MALRD1: variants seen among roughly 807,000 people sequenced by gnomAD.
The protein encoded by MALRD1 is MAM and LDL receptor class A domain containing 1.
MALRD1 carries 247 observed loss-of-function variants against 242.1 expected under a neutral mutation model. The ratio of observed to expected loss-of-function variants is 1.02; its 90% confidence interval spans 0.92 to 1.13. The LOEUF is 1.13. Among genes scored for constraint, MALRD1 ranks in the 50% most tolerant of loss-of-function variants. The pLI is 0.00. For missense variants in MALRD1, 2,989 were observed against 2,533.1 expected, an observed-to-expected ratio of 1.18 and a Z score of -3.86; for synonymous variants, 995 against 866.6, an observed-to-expected ratio of 1.15 and a Z score of -2.60.
chr10:19,670,396 C>A (rs1247386035), intron 36 of MALRD1, among the ~76,000 whole-genome samples: 1 of 152,138 alleles, frequency 6.6e-6, no homozygotes, highest in Non-Finnish European at 1.5e-5. Flanking sequence ...CTCCAACACT[C>A]GGAAACCCAT....
At chr10:19,585,813 C>T (rs553673250) in intron 33 of MALRD1, among the ~76,000 whole-genome samples, 68 of 152,288 alleles carry the variant, frequency 4.5e-4, no homozygotes, top group African/African-American at 1.5e-3. Context: ...TAATATCCTG[C>T]AGAGTGTTTT....
chr10:19,646,463 G>A (rs1244873347), intron 36 of MALRD1, among the ~76,000 whole-genome samples: 2 of 152,118 alleles, frequency 1.3e-5, no homozygotes, highest in Admixed American at 1.3e-4. Flanking sequence ...AAATTAGCTG[G>A]GTGTAGTGGC....
chr10:19,400,363 G>C (rs937118777), intron 28 of MALRD1, among the ~76,000 whole-genome samples: 1 of 152,276 alleles, frequency 6.6e-6, no homozygotes. Flanking sequence ...TTCAGTGGCG[G>C]TGTGTTCCCA....
intron 36 of MALRD1, among the ~76,000 whole-genome samples, chr10:19,634,051 G>C (rs1387898354): frequency 6.6e-6 from 1 of 151,848 alleles, no homozygotes; most frequent in Non-Finnish European, 1.5e-5. Context: ...ATGTTGGCTA[G>C]GCTGGTCTTG....
intron 36 of MALRD1, among the ~76,000 whole-genome samples, chr10:19,624,551 G>T (rs186524420): frequency 6.6e-6 from 1 of 152,024 alleles, no homozygotes; most frequent in Non-Finnish European, 1.5e-5. Flanking sequence ...ATAATAGTAT[G>T]TGTAATTTAG....
chr10:19,134,085 T>G (rs574955280), intron 9 of MALRD1, 137 bp downstream of exon 9: 7 of 384,852 alleles, frequency 1.8e-5, no homozygotes, highest in South Asian at 2.8e-4. Context: ...GGGAGAGTGA[T>G]TGCTTACTTT....
At chr10:19,214,469 AT>A (rs1286913120) in intron 18 of MALRD1, among the ~76,000 whole-genome samples, 1 of 152,244 alleles carries the variant, frequency 6.6e-6, no homozygotes, top group Non-Finnish European at 1.5e-5. Context: ...ATATTTATCA[AT>A]ACAGTCTGTT....
At chr10:19,447,128 T>G (rs763282456) in intron 28 of MALRD1, among the ~76,000 whole-genome samples, 18 of 151,570 alleles carry the variant, frequency 1.2e-4, no homozygotes, top group Admixed American at 2.0e-4. Flanking sequence ...TGAGAGTGCT[T>G]TTACAGTAGT....
intron 28 of MALRD1, among the ~76,000 whole-genome samples, chr10:19,435,290 T>C (rs1834308970): frequency 6.6e-6 from 1 of 152,078 alleles, no homozygotes; most frequent in South Asian, 2.1e-4. Context: ...CTCACACTCA[T>C]TTTCCCCTGT....
chr10:19,080,049 T>C (rs1459164575), intron 2 of MALRD1, among the ~76,000 whole-genome samples: 1 of 151,914 alleles, frequency 6.6e-6, no homozygotes, highest in Non-Finnish European at 1.5e-5. Context: ...CACTGAAGAA[T>C]ATAGTTAACA....
chr10:19,550,389 C>T (rs1477680887), intron 32 of MALRD1, among the ~76,000 whole-genome samples: 3 of 151,976 alleles, frequency 2.0e-5, no homozygotes, highest in Non-Finnish European at 4.4e-5. Context: ...AGTTTTGTTA[C>T]ATAGATAAAC....
chr10:19,404,529 T>C (rs913864474), intron 28 of MALRD1, among the ~76,000 whole-genome samples: 2 of 152,106 alleles, frequency 1.3e-5, no homozygotes, highest in Admixed American at 6.6e-5. Flanking sequence ...TGTGTTTTTT[T>C]CTAAGTAGCT....
intron 38 of MALRD1, among the ~76,000 whole-genome samples, chr10:19,703,968 C>A (rs1373038030): frequency 6.6e-6 from 1 of 152,126 alleles, no homozygotes; most frequent in Non-Finnish European, 1.5e-5. Context: ...TTTATTCTTA[C>A]CTTACCAGCA....
rs550317889 is a variant in MALRD1, at chr10:19,232,315, C to T, written c.2991+22635C>T. Among the ~76,000 whole-genome samples, 8 of 151,326 alleles carry T rather than the reference C, an allele frequency of 5.3e-5. No individual in the cohort carries two copies. In the East Asian group the frequency reaches 7.8e-4, roughly 15 times the overall value. On this transcript the variant is annotated intron_variant, in intron 18 of 39. Transcript: ENST00000454679. The stretch of plus-strand genomic sequence containing the variant: ...CCAAGTAGCTGGGATTATAGGTGCC[C>T]GCCACGACACCCAGCTAATTTTTGT...
intron 25 of MALRD1, among the ~76,000 whole-genome samples, chr10:19,350,778 A>T (rs1277982409): frequency 1.3e-5 from 2 of 152,172 alleles, no homozygotes; most frequent in Non-Finnish European, 2.9e-5. Context: ...CAAATAAGAC[A>T]AACAAAAGGA....
chr10:19,196,321 T>C (rs2131596319), intron 14 of MALRD1, among the ~76,000 whole-genome samples: 1 of 152,316 alleles, frequency 6.6e-6, no homozygotes, highest in South Asian at 2.1e-4. Flanking sequence ...TTCACTGTAT[T>C]CACTTTCTTT....
chr10:19,308,094 C>A (rs993703152), intron 21 of MALRD1, among the ~76,000 whole-genome samples: 1 of 151,466 alleles, frequency 6.6e-6, no homozygotes, highest in African/African-American at 2.4e-5. Flanking sequence ...GCTGTAGTCA[C>A]CCCAGTGTGC....
At chr10:19,395,441 G>A (rs528313332) in intron 28 of MALRD1, among the ~76,000 whole-genome samples, 13 of 152,314 alleles carry the variant, frequency 8.5e-5, no homozygotes, top group African/African-American at 2.6e-4. Context: ...GGGCTTCCAG[G>A]TCATACGTAG....
At chr10:19,437,352 A>G (rs1170407266) in intron 28 of MALRD1, among the ~76,000 whole-genome samples, 2 of 151,902 alleles carry the variant, frequency 1.3e-5, no homozygotes, top group Non-Finnish European at 2.9e-5. Flanking sequence ...GGGCCCTGAC[A>G]CTGATATGAT....
Sources: gnomAD v4.1 joint callset for allele counts (sites outside exome capture counted in the v4.1 genomes callset) on GRCh38, gnomAD v4.1.1 for gene constraint, MANE v1.5 for transcripts, NCBI Gene and HGNC (gene_info 2026-07-23, HGNC 2026-07-21) for gene names.